Variants in ABCA10 observed in about 807,000 individuals in gnomAD.
ABCA10 encodes ATP binding cassette subfamily A member 10, also known as ATP-binding cassette sub-family A member 10.
A neutral mutation model predicts 187.5 loss-of-function variants in ABCA10; 169 were observed. That is an observed-to-expected ratio of 0.90 (90% CI 0.80 to 1.02). The LOEUF is 1.02. Ranked by LOEUF, ABCA10 falls within the 50% of genes least tolerant of loss-of-function variation. The probability of loss-of-function intolerance (pLI) is 0.00; values close to 1 mark genes in which losing one functional copy is unlikely to be tolerated. For missense variants in ABCA10, 1,727 were observed against 1,812.4 expected (o/e 0.95, Z 0.86); for synonymous variants, 574 against 601.8 (o/e 0.95, Z 0.68).
rs762094872 is a variant in ABCA10, at chr17:69,192,517, CAT to C, written c.1871+44_1871+45del. ...AAAGGCTTCTACAAAATGTCACCCT[CAT>C]ATTAATATGCTCATTTAAAAATAAC... On this transcript the variant is annotated intron_variant, in intron 16 of 38. Coordinates refer to ENST00000690296, the MANE Select transcript of ABCA10 (RefSeq NM_001377321.1). 2.6e-5 allele frequency: 38 copies of C among 1,487,632 alleles called. No individual in the cohort carries two copies. In the East Asian group the frequency reaches 8.7e-4, roughly 34 times the overall value. 92.2% of individuals were successfully genotyped at this position (1,487,632 alleles called of 1,614,324 possible).
chr17:69,192,365 G>C (rs563642071), intron 16 of ABCA10, among the ~76,000 whole-genome samples, 198 bp downstream of exon 16: 2 of 152,088 alleles, frequency 1.3e-5, no homozygotes, highest in Admixed American at 6.6e-5. Flanking sequence ...AGTATACTTT[G>C]TTTTTTAATT....
intron 31 of ABCA10, 57 bp from the exon 32 acceptor site, chr17:69,154,066 T>A: frequency 6.4e-7 from 1 of 1,566,358 alleles, no homozygotes; most frequent in South Asian, 1.2e-5. Flanking sequence ...ATCCCCCTTC[T>A]ACTAAAGGAG....
chr17:69,181,154 C>A (rs941271573), intron 22 of ABCA10, among the ~76,000 whole-genome samples: 1 of 152,132 alleles, frequency 6.6e-6, no homozygotes, highest in Admixed American at 6.6e-5. Context: ...GGTGTGTATA[C>A]ATACATACAC....
intron 29 of ABCA10, among the ~76,000 whole-genome samples, 196 bp downstream of exon 29, chr17:69,155,609 C>T (rs1408532656): frequency 6.6e-6 from 1 of 152,054 alleles, no homozygotes; most frequent in Non-Finnish European, 1.5e-5. Context: ...GTAAGACCCA[C>T]AGAAAACTGA....
At chr17:69,163,356 G>C (rs2074232494) in intron 27 of ABCA10, among the ~76,000 whole-genome samples, 1 of 152,002 alleles carries the variant, frequency 6.6e-6, no homozygotes, top group Non-Finnish European at 1.5e-5. Context: ...AAGGTTCCAG[G>C]GTTTGTTTGC....
chr17:69,160,505 G>C (rs1055545609), intron 27 of ABCA10, among the ~76,000 whole-genome samples: 4 of 152,100 alleles, frequency 2.6e-5, no homozygotes, highest in Admixed American at 2.6e-4. Flanking sequence ...TATTCAGGAG[G>C]CTGAAGCAGG....
chr17:69,154,355 G>T, intron 30 of ABCA10, 29 bp from the exon 31 acceptor site: 2 of 1,513,516 alleles, frequency 1.3e-6, no homozygotes, highest in South Asian at 1.2e-5. Flanking sequence ...ATCAATATTT[G>T]AATTTTCAAG....
At chr17:69,231,287 GT>G (rs2074830317), upstream of ABCA10, among the ~76,000 whole-genome samples, 1 of 152,076 alleles carries the variant, frequency 6.6e-6, no homozygotes, top group African/African-American at 2.4e-5. Context: ...ATTCTCCTGT[GT>G]ATTTGTCTCT....
At chr17:69,226,335 G>A (rs1186803277) in intron 2 of ABCA10, among the ~76,000 whole-genome samples, 1 of 151,960 alleles carries the variant, frequency 6.6e-6, no homozygotes, top group Non-Finnish European at 1.5e-5. Context: ...ATTCTAGTGA[G>A]TAATAAATAT....
At chr17:69,182,835 GAAAAA>G in intron 20 of ABCA10, 27 bp from the exon 21 acceptor site, 22 of 1,325,608 alleles carry the variant, frequency 1.7e-5, no homozygotes, top group South Asian at 8.1e-5. Flanking sequence ...AAGGCAACAA[GAAAAA>G]AAAAAAAAAA....
chr17:69,238,330 T>C (rs1036153309), intron 1 of ABCA10, among the ~76,000 whole-genome samples: 1 of 152,078 alleles, frequency 6.6e-6, no homozygotes, highest in African/African-American at 2.4e-5. Flanking sequence ...AGCCACTCAA[T>C]TTGTGGTACT....
At chr17:69,162,678 C>G (rs930469328) in intron 27 of ABCA10, among the ~76,000 whole-genome samples, 1 of 151,912 alleles carries the variant, frequency 6.6e-6, no homozygotes, top group South Asian at 2.1e-4. Flanking sequence ...CAGTTAGTAA[C>G]GTAAAAGATA....
At position 69,187,865 on chromosome 17, in the gene ABCA10, TC is replaced by T; in HGVS notation, c.2145del (p.Lys716AsnfsTer7). On this transcript the variant is annotated frameshift_variant, in exon 19 of 39. Coordinates refer to ENST00000690296, the MANE Select transcript of ABCA10 (RefSeq NM_001377321.1). ...SAIDEPDFDI[G>X]KQEKIHVTRN... The stretch of plus-strand genomic sequence containing the variant: ...CTTGTCACATGTATTTTCTCTTGTT[TC>T]CCAATGTCAAAATCTACAATCATGT... The T allele has an allele frequency of 1.2e-6, 2 of 1,613,634 alleles. No homozygotes were observed. The highest frequency in any genetic ancestry group is 1.7e-6 in the Non-Finnish European group (2 of 1,179,632).
In ABCA10 at chr17:69,227,114, G is replaced by GATATATATATATATATATATATATATAT. The variant is rs71892045; in HGVS notation, c.-172+30_-172+31insATATATATATATATATATATATATATAT. The GATATATATATATATATATATATATATAT allele has an allele frequency of 5.1e-5, 7 of 137,412 alleles. 1 individual carries two copies. The East Asian group carries it at 6.5e-4, about 13-fold the overall frequency. The allele number at this position is 137,412 out of a possible 1,614,324, so 8.5% of individuals were successfully genotyped here. On this transcript the variant is annotated intron_variant, in intron 2 of 38. Coordinates refer to ENST00000690296, the MANE Select transcript of ABCA10 (RefSeq NM_001377321.1). ...GGTGGATTTTCATTTATTAATTATG[G>GATATATATATATATATATATATATATAT]ATATATATATATATATATAGTGAAT...
intron 22 of ABCA10, among the ~76,000 whole-genome samples, chr17:69,176,116 TTTTACA>T (rs2074332409): frequency 1.3e-5 from 2 of 152,312 alleles, no homozygotes; most frequent in Admixed American, 1.3e-4. Flanking sequence ...GCAGTTTCTC[TTTTACA>T]TTTACATCTG....
intron 6 of ABCA10, among the ~76,000 whole-genome samples, chr17:69,218,046 T>C (rs1489620713): frequency 6.6e-6 from 1 of 152,180 alleles, no homozygotes; most frequent in Non-Finnish European, 1.5e-5. Context: ...TTTGAGGTAA[T>C]GGATATTCCA....
At chr17:69,179,218 A>AC (rs1340321343) in intron 22 of ABCA10, among the ~76,000 whole-genome samples, 1 of 152,022 alleles carries the variant, frequency 6.6e-6, no homozygotes. Context: ...ACAAAAAAAA[A>AC]ACCTCTATCT....
chr17:69,210,313 C>T (rs1298230144), intron 9 of ABCA10, among the ~76,000 whole-genome samples: 1 of 148,896 alleles, frequency 6.7e-6, no homozygotes, highest in Non-Finnish European at 1.5e-5. Flanking sequence ...CCTCAGCCTC[C>T]CGAGTAGCTG....
Position 69,184,424 on chromosome 17 carries a change from A to G in ABCA10, c.2497+1053T>C, listed in dbSNP as rs1187193268. Among the ~76,000 whole-genome samples the G allele has an allele frequency of 7.2e-5, 11 of 152,052 alleles. No individual in the cohort carries two copies. The East Asian group carries it at 2.1e-3, about 29-fold the overall frequency. ...ACCTCCAGGCTGGAGGCTGACCAAC[A>G]CTGTTCCAGCACACTAAACAAAACT... On this transcript the variant is annotated intron_variant, in intron 20 of 38. Coordinates refer to ENST00000690296, the MANE Select transcript of ABCA10 (RefSeq NM_001377321.1).
Sources: allele counts gnomAD v4.1 joint callset (sites outside exome capture counted in the v4.1 genomes callset), GRCh38; gene constraint gnomAD v4.1.1; transcripts MANE v1.5; gene names NCBI Gene and HGNC (gene_info 2026-07-23, HGNC 2026-07-21).